PPP1R9A: variants seen among roughly 807,000 people sequenced by gnomAD.
PPP1R9A encodes neurabin-1.
PPP1R9A carries 59 observed loss-of-function variants against 141.9 expected under a neutral mutation model. The observed-to-expected ratio is 0.42, with a 90% CI of 0.34 to 0.52. PPP1R9A has a LOEUF of 0.52. Ranked by LOEUF, PPP1R9A falls within the 20% of genes least tolerant of loss-of-function variation. The pLI, the probability that PPP1R9A is intolerant of heterozygous loss-of-function variation, is 0.10. For synonymous variants in PPP1R9A, 500 were observed against 569.7 expected, an observed-to-expected ratio of 0.88 and a Z score of 1.74; for missense variants, 1,444 against 1,611.9, an observed-to-expected ratio of 0.90 and a Z score of 1.78.
chr7:95,293,649 T>C lies in PPP1R9A; in HGVS notation c.*3346T>C, dbSNP rs1354673416. The stretch of plus-strand genomic sequence containing the variant: ...TTTGCCACTATCTGTGACCCTGTAA[T>C]CATCACTAGCCTGAAATCTTAAAAT... On this transcript the variant is annotated 3_prime_UTR_variant, in exon 20 of 20. Coordinates refer to ENST00000433360, the MANE Select transcript of PPP1R9A (RefSeq NM_001166160.2). The C allele has an allele frequency of 6.6e-6, 1 of 152,156 alleles. No individual in the cohort carries two copies. The highest frequency in any genetic ancestry group is 1.5e-5 in the Non-Finnish European group (1 of 68,024). 9.4% of individuals were successfully genotyped at this position (152,156 alleles called of 1,614,324 possible).
chr7:95,277,167 A>G (rs1803358835), intron 16 of PPP1R9A, among the ~76,000 whole-genome samples: 1 of 152,208 alleles, frequency 6.6e-6, no homozygotes, highest in African/African-American at 2.4e-5. Context: ...TGATAAGATC[A>G]TTGGTCAGCT....
chr7:95,220,108 C>G (rs889468426), intron 7 of PPP1R9A, among the ~76,000 whole-genome samples: 3 of 151,950 alleles, frequency 2.0e-5, no homozygotes, highest in African/African-American at 7.3e-5. Flanking sequence ...ACTAAGTGTA[C>G]TAACATTATA....
chr7:95,069,894 T>A (rs1233473068), intron 2 of PPP1R9A, among the ~76,000 whole-genome samples: 1 of 152,170 alleles, frequency 6.6e-6, no homozygotes, highest in Non-Finnish European at 1.5e-5. Flanking sequence ...GTCCTTTAGC[T>A]TCATGTTGTC....
chr7:95,206,669 A>G (rs953041843), intron 7 of PPP1R9A, among the ~76,000 whole-genome samples: 1 of 152,214 alleles, frequency 6.6e-6, no homozygotes, highest in African/African-American at 2.4e-5. Flanking sequence ...TCTAGAATGT[A>G]ATTAGAATAA....
chr7:95,057,887 T>C (rs947404174), intron 2 of PPP1R9A, among the ~76,000 whole-genome samples: 1 of 152,160 alleles, frequency 6.6e-6, no homozygotes, highest in Admixed American at 6.6e-5. Flanking sequence ...TCTTCTCAGT[T>C]TGAACTTTAG....
intron 8 of PPP1R9A, among the ~76,000 whole-genome samples, chr7:95,244,190 T>G (rs537417672): frequency 1.1e-3 from 167 of 152,224 alleles, no homozygotes; most frequent in African/African-American, 3.8e-3. Context: ...ACTCCAAACT[T>G]TGCGCAGTTG....
intron 4 of PPP1R9A, among the ~76,000 whole-genome samples, chr7:95,123,755 A>G (rs1823052296): frequency 6.6e-6 from 1 of 152,228 alleles, no homozygotes; most frequent in African/African-American, 2.4e-5. Context: ...ATCTGGGGAT[A>G]TTCAACAAAT....
At chr7:94,918,280 T>C (rs888318228) in intron 2 of PPP1R9A, among the ~76,000 whole-genome samples, 13 of 152,058 alleles carry the variant, frequency 8.5e-5, no homozygotes, top group African/African-American at 3.1e-4. Context: ...GAAGGTAATC[T>C]AGCGTCATTT....
At chr7:95,015,134 C>T (rs1804914131) in intron 2 of PPP1R9A, among the ~76,000 whole-genome samples, 1 of 151,856 alleles carries the variant, frequency 6.6e-6, no homozygotes, top group African/African-American at 2.4e-5. Context: ...GACCTGGGCA[C>T]TTCATGTGAA....
chr7:95,121,865 C>T (rs1315984285), intron 4 of PPP1R9A, among the ~76,000 whole-genome samples: 2 of 152,242 alleles, frequency 1.3e-5, no homozygotes, highest in African/African-American at 4.8e-5. Context: ...GGCCAGTGCC[C>T]TATGACCTAA....
At chr7:94,909,666 G>A (rs1229546661) in intron 1 of PPP1R9A, among the ~76,000 whole-genome samples, 1 of 149,848 alleles carries the variant, frequency 6.7e-6, no homozygotes, top group Non-Finnish European at 1.5e-5. Flanking sequence ...GTTTGTGTGT[G>A]TGTGAGATTT....
At chr7:95,122,303 C>G (rs1431318697) in intron 4 of PPP1R9A, among the ~76,000 whole-genome samples, 1 of 152,034 alleles carries the variant, frequency 6.6e-6, no homozygotes, top group Non-Finnish European at 1.5e-5. Context: ...TGGACCACCA[C>G]GCCCAGCTAA....
At chr7:94,997,970 G>GT (rs1802404642) in intron 2 of PPP1R9A, among the ~76,000 whole-genome samples, 1 of 151,946 alleles carries the variant, frequency 6.6e-6, no homozygotes, top group Non-Finnish European at 1.5e-5. Flanking sequence ...TTGTCTCAAT[G>GT]TTTGAAAAAA....
intron 16 of PPP1R9A, among the ~76,000 whole-genome samples, chr7:95,279,088 T>G (rs1803686276): frequency 6.6e-6 from 1 of 152,232 alleles, no homozygotes; most frequent in Non-Finnish European, 1.5e-5. Flanking sequence ...TCTTGCGTAT[T>G]TTGCTGGCAG....
At chr7:95,058,108 T>C (rs1363261467) in intron 2 of PPP1R9A, among the ~76,000 whole-genome samples, 1 of 152,204 alleles carries the variant, frequency 6.6e-6, no homozygotes, top group Non-Finnish European at 1.5e-5. Flanking sequence ...GTACTGTAAA[T>C]AATCATCTTA....
intron 2 of PPP1R9A, among the ~76,000 whole-genome samples, chr7:95,032,727 T>C (rs1442181419): frequency 6.6e-6 from 1 of 152,192 alleles, no homozygotes; most frequent in African/African-American, 2.4e-5. Flanking sequence ...TGAGTTCTTT[T>C]AGTACAATTA....
intron 12 of PPP1R9A, among the ~76,000 whole-genome samples, chr7:95,267,777 G>A (rs908629958): frequency 5.3e-5 from 8 of 152,076 alleles, no homozygotes; most frequent in African/African-American, 1.7e-4. Context: ...TCACAGAGAT[G>A]AGTCAGAGGC....
At chr7:95,076,579 G>GCT (rs1369525467) in intron 2 of PPP1R9A, among the ~76,000 whole-genome samples, 1 of 151,888 alleles carries the variant, frequency 6.6e-6, no homozygotes, top group Non-Finnish European at 1.5e-5. Context: ...ATATCTAGCT[G>GCT]CTCTCCCCCA....
intron 5 of PPP1R9A, among the ~76,000 whole-genome samples, chr7:95,179,824 G>A (rs1466302214): frequency 7.0e-6 from 1 of 142,620 alleles, no homozygotes; most frequent in Non-Finnish European, 1.6e-5. Context: ...AACCAAGAAG[G>A]GGAAAGACCT....
Sources: allele counts gnomAD v4.1 joint callset (sites outside exome capture counted in the v4.1 genomes callset), GRCh38; gene constraint gnomAD v4.1.1; transcripts MANE v1.5; gene names NCBI Gene and HGNC (gene_info 2026-07-23, HGNC 2026-07-21).